PPIL4: variants seen among roughly 807,000 people sequenced by gnomAD.
PPIL4 encodes the protein peptidyl-prolyl cis-trans isomerase-like 4.
A neutral mutation model predicts 69.1 loss-of-function variants in PPIL4; 50 were observed. The ratio of observed to expected loss-of-function variants is 0.72; its 90% CI spans 0.58 to 0.92. The LOEUF (loss-of-function observed/expected upper bound fraction) is 0.92, where lower values mean the gene tolerates loss of function less well. Among genes scored for constraint, PPIL4 ranks in the 40% least tolerant of loss-of-function variants. The pLI is 0.00. For missense variants in PPIL4, 480 were observed against 587.9 expected (o/e 0.82, Z 1.90); for synonymous variants, 193 against 191.6 (o/e 1.01, Z -0.06).
chr6:149,529,741 G>A (rs373906191), intron 7 of PPIL4, among the ~76,000 whole-genome samples: 8 of 132,322 alleles, frequency 6.0e-5, no homozygotes, highest in East Asian at 4.6e-4. Context: ...CTAGCCTGAC[G>A]ACAAGAGCGA....
chr6:149,528,999 C>A (rs1777149490), intron 7 of PPIL4, among the ~76,000 whole-genome samples: 1 of 151,696 alleles, frequency 6.6e-6, no homozygotes, highest in South Asian at 2.1e-4. Flanking sequence ...GAGGCCAAGA[C>A]AGGAAGATCA....
rs554531179 is a variant in PPIL4, at chr6:149,539,381, CTTAT to C, written c.321+1557_321+1560del. 1.8e-3 allele frequency among the ~76,000 whole-genome samples: 272 copies of C among 152,060 alleles called. 1 individual carries two copies. Among genetic ancestry groups the C allele is most frequent in the Admixed American group, 3.3e-3 (50 of 15,256 alleles). On this transcript the variant is annotated intron_variant, in intron 4 of 12. Transcript: ENST00000253329. ...CATCAACATGGCAGACTTCTGTTGT[CTTAT>C]TTATTTATTTATTTGCAAGACAAGG... is the stretch of plus-strand genomic sequence containing the variant.
intron 11 of PPIL4, among the ~76,000 whole-genome samples, chr6:149,513,229 T>C (rs1776883103): frequency 2.1e-5 from 3 of 146,044 alleles, no homozygotes; most frequent in African/African-American, 7.4e-5. Flanking sequence ...CTACTAAAAA[T>C]ACAAAAATTA....
chr6:149,532,053 A>C (rs566906870), intron 7 of PPIL4, among the ~76,000 whole-genome samples: 2 of 152,218 alleles, frequency 1.3e-5, no homozygotes, highest in Non-Finnish European at 2.9e-5. Flanking sequence ...TACACATTGA[A>C]TACTGCTGCT....
intron 6 of PPIL4, 22 bp from the exon 7 acceptor site, chr6:149,533,596 A>G: frequency 7.5e-7 from 1 of 1,328,192 alleles, no homozygotes; most frequent in South Asian, 1.2e-5. Context: ...GAAGTTACTC[A>G]TGTATATATT....
intron 4 of PPIL4, among the ~76,000 whole-genome samples, chr6:149,539,141 C>G (rs370978053): frequency 2.0e-5 from 3 of 152,142 alleles, no homozygotes; most frequent in Non-Finnish European, 4.4e-5. Flanking sequence ...GCCACTGCAC[C>G]CAGCCAAGTG....
At chr6:149,544,505 T>C (rs563930246) in intron 1 of PPIL4, among the ~76,000 whole-genome samples, 1 of 152,340 alleles carries the variant, frequency 6.6e-6, no homozygotes, top group African/African-American at 2.4e-5. Context: ...GGAGTTTACA[T>C]TCTTGAGCGA....
intron 10 of PPIL4, 72 bp downstream of exon 10, chr6:149,520,988 G>A: frequency 1.2e-6 from 1 of 812,520 alleles, no homozygotes; most frequent in South Asian, 1.5e-5. Flanking sequence ...ACTCCAGCCT[G>A]GGCAACAGAG....
intron 12 of PPIL4, among the ~76,000 whole-genome samples, chr6:149,511,527 G>A (rs914140787): frequency 7.2e-5 from 11 of 151,950 alleles, no homozygotes; most frequent in African/African-American, 2.7e-4. Context: ...TACCTGCCTC[G>A]GCCTCCCAAA....
chr6:149,524,041 A>G (rs367685595), intron 9 of PPIL4, among the ~76,000 whole-genome samples: 2 of 152,204 alleles, frequency 1.3e-5, no homozygotes, highest in South Asian at 4.1e-4. Context: ...GGTATTCCAT[A>G]AATGCTTTGT....
intron 4 of PPIL4, among the ~76,000 whole-genome samples, chr6:149,539,459 C>T (rs923820207): frequency 3.9e-5 from 6 of 152,076 alleles, no homozygotes; most frequent in Non-Finnish European, 7.4e-5. Flanking sequence ...CTCACTGCAC[C>T]CTTGACCTCC....
intron 11 of PPIL4, among the ~76,000 whole-genome samples, chr6:149,515,455 G>A (rs1427126914): frequency 3.3e-5 from 5 of 152,116 alleles, no homozygotes; most frequent in Admixed American, 2.0e-4. Context: ...TCAGTGTTGA[G>A]GGTATTCTCT....
intron 4 of PPIL4, among the ~76,000 whole-genome samples, chr6:149,539,050 C>G (rs1323485381): frequency 6.6e-6 from 1 of 152,156 alleles, no homozygotes; most frequent in East Asian, 1.9e-4. Flanking sequence ...TTTCACCATA[C>G]TGGTCAGGCT....
At chr6:149,525,055 GAAACT>G in intron 9 of PPIL4, 83 bp downstream of exon 9, 1 of 662,634 alleles carries the variant, frequency 1.5e-6, no homozygotes, top group Non-Finnish European at 2.5e-6. Context: ...GGCAACTCTA[GAAACT>G]AGAAAAAGTT....
intron 11 of PPIL4, among the ~76,000 whole-genome samples, chr6:149,514,814 G>A (rs186025078): frequency 5.9e-5 from 9 of 151,512 alleles, no homozygotes; most frequent in Middle Eastern, 3.4e-3. Context: ...TGACTGTATT[G>A]GGTTAAGACA....
chr6:149,528,409 T>C (rs1318356700), intron 7 of PPIL4, among the ~76,000 whole-genome samples: 1 of 152,220 alleles, frequency 6.6e-6, no homozygotes, highest in Non-Finnish European at 1.5e-5. Context: ...AACTTTAAAA[T>C]ACTATTAGGA....
Position 149,534,764 on chromosome 6 carries a change from T to C in PPIL4, c.475A>G (p.Thr159Ala). The change falls in exon 6 of 13, where the codon ACG becomes GCG. Residue 159 changes from threonine (T) to alanine (A), a missense_variant. Coordinates refer to ENST00000253329, the MANE Select transcript of PPIL4 (RefSeq NM_139126.4). ...VPYQDIRINHTVILDDPFDDP... is the reference protein window; with the variant it reads ...VPYQDIRINHAVILDDPFDDP... ...TCAAATGGATCATCTAAAATCACCG[T>C]ATGATTTATCCTTACAAAATAAATC... 1 of 1,545,534 alleles carries C rather than the reference T, an allele frequency of 6.5e-7. No homozygotes were observed. The highest frequency in any genetic ancestry group is 8.9e-7 in the Non-Finnish European group (1 of 1,125,260).
chr6:149,544,547 G>C (rs990260042), intron 1 of PPIL4, among the ~76,000 whole-genome samples: 37 of 152,126 alleles, frequency 2.4e-4, no homozygotes, highest in African/African-American at 8.7e-4. Context: ...CAGGATAATA[G>C]GTAAATGTTA....
chr6:149,515,779 C>T (rs1014424890), intron 11 of PPIL4, among the ~76,000 whole-genome samples: 1 of 152,188 alleles, frequency 6.6e-6, no homozygotes, highest in Admixed American at 6.5e-5. Context: ...AAATCCCTCT[C>T]CCTTTGAATA....
Sources: gnomAD v4.1 joint callset for allele counts (sites outside exome capture counted in the v4.1 genomes callset) on GRCh38, gnomAD v4.1.1 for gene constraint, MANE v1.5 for transcripts, NCBI Gene and HGNC (gene_info 2026-07-23, HGNC 2026-07-21) for gene names.